Variants in PKD1L1 observed in about 807,000 individuals in gnomAD.
PKD1L1 encodes the protein polycystin-1-like protein 1.
PKD1L1 carries 236 observed loss-of-function variants against 323.4 expected under a neutral mutation model. The observed-to-expected ratio is 0.73, with a 90% CI of 0.66 to 0.81. The LOEUF is 0.81. PKD1L1 is among the 40% of genes least tolerant of loss of function. The pLI, the probability that PKD1L1 is intolerant of heterozygous loss-of-function variation, is 0.00. For missense variants in PKD1L1, 3,320 were observed against 3,508.0 expected (o/e 0.95, Z 1.35); for synonymous variants, 1,344 against 1,335.0 (o/e 1.01, Z -0.15).
intron 25 of PKD1L1, among the ~76,000 whole-genome samples, chr7:47,865,741 A>T (rs1430178036): frequency 2.4e-4 from 34 of 143,760 alleles, no homozygotes; most frequent in Non-Finnish European, 3.0e-5. Flanking sequence ...GCCTGCCACC[A>T]CACCTGGCTA....
At chr7:47,829,632 C>T in intron 43 of PKD1L1, 31 bp from the exon 44 acceptor site, 7 of 1,578,406 alleles carry the variant, frequency 4.4e-6, no homozygotes, top group Non-Finnish European at 6.0e-6. Flanking sequence ...GCGCAGAGAG[C>T]CGCCCTATGT....
intron 41 of PKD1L1, 129 bp from the exon 42 acceptor site, chr7:47,831,481 G>A: frequency 7.9e-7 from 1 of 1,272,634 alleles, no homozygotes; most frequent in Non-Finnish European, 1.1e-6. Context: ...TTGGTTAAAT[G>A]TGATTTTTGA....
intron 56 of PKD1L1, among the ~76,000 whole-genome samples, chr7:47,781,958 A>G (rs895039880): frequency 2.0e-5 from 3 of 152,184 alleles, no homozygotes; most frequent in African/African-American, 7.2e-5. Context: ...CACCTTTGTC[A>G]AGATGAGTTT....
At chr7:47,816,029 T>C in intron 46 of PKD1L1, among the ~76,000 whole-genome samples, 1 of 152,068 alleles carries the variant, frequency 6.6e-6, no homozygotes, top group East Asian at 1.9e-4. Flanking sequence ...TCCGCAAGCC[T>C]GAAGGGTGGG....
intron 28 of PKD1L1, among the ~76,000 whole-genome samples, chr7:47,855,937 T>G (rs911076716): frequency 6.7e-6 from 1 of 150,228 alleles, no homozygotes; most frequent in Non-Finnish European, 1.5e-5. Flanking sequence ...AGCTATTCTA[T>G]AGTCCCATTG....
At chr7:47,807,099 G>A (rs529484148) in intron 52 of PKD1L1, among the ~76,000 whole-genome samples, 2 of 152,216 alleles carry the variant, frequency 1.3e-5, no homozygotes, top group East Asian at 3.9e-4. Flanking sequence ...TGCTGTCCCT[G>A]CCAATCTGTG....
chr7:47,841,555 T>A (rs1583612727), intron 34 of PKD1L1, among the ~76,000 whole-genome samples: 1 of 152,232 alleles, frequency 6.6e-6, no homozygotes, highest in African/African-American at 2.4e-5. Context: ...GGATTTAACC[T>A]CATTATGCCT....
chr7:47,925,166 A>G (rs1230305686), intron 7 of PKD1L1, among the ~76,000 whole-genome samples: 2 of 152,146 alleles, frequency 1.3e-5, no homozygotes, highest in Admixed American at 1.3e-4. Context: ...TTTATAATAC[A>G]ATAGTGCAAA....
At position 47,833,029 on chromosome 7, in the gene PKD1L1, C is replaced by G. The variant is rs369181408; in HGVS notation, c.6337+61G>C. The G allele has an allele frequency of 7.1e-6, 11 of 1,540,196 alleles. No homozygotes were observed. In the South Asian group the frequency reaches 1.1e-4, roughly 16 times the overall value. Reference sequence around the variant, plus strand: ...TGTGACTCTGCTTGCCCTGCCTCTCCCAATGGCTGCAGGTCTGCTGGACTG... The same window carrying G: ...TGTGACTCTGCTTGCCCTGCCTCTCGCAATGGCTGCAGGTCTGCTGGACTG... On this transcript the variant is annotated intron_variant, in intron 41 of 56. Transcript: ENST00000289672.
chr7:47,908,080 T>A lies in PKD1L1; in HGVS notation c.1399A>T (p.Lys467Ter), dbSNP rs1459074585. ...LVFADSQVNQ[K>*]STVVIHHFPS... is the part of the protein sequence containing the mutation. Reference sequence around the variant, plus strand: ...AGACTCCAGACATACGTCTTACTTTTCTGATTCACTTGGGAGTCAGCAAAG... The same window carrying A: ...AGACTCCAGACATACGTCTTACTTTACTGATTCACTTGGGAGTCAGCAAAG... The change falls in exon 9 of 57, where the codon AAA (lysine) becomes TAA (stop). Residue 467 changes from lysine (K) to a stop codon, truncating the protein, a stop_gained. Coordinates refer to ENST00000289672, the MANE Select transcript of PKD1L1 (RefSeq NM_138295.5). LOFTEE classifies it high-confidence loss of function. 4 of 1,613,266 alleles carry A rather than the reference T, an allele frequency of 2.5e-6. No individual in the cohort carries two copies. The highest frequency in any genetic ancestry group is 3.4e-6 in the Non-Finnish European group (4 of 1,179,878).
chr7:47,846,467 T>A (rs1405153557), intron 32 of PKD1L1, among the ~76,000 whole-genome samples: 2 of 152,180 alleles, frequency 1.3e-5, no homozygotes, highest in Non-Finnish European at 2.9e-5. Context: ...CATGGGGGCA[T>A]GGTGAGAGCT....
At position 47,853,779 on chromosome 7, in the gene PKD1L1, A is replaced by C. The variant is rs1223874942; in HGVS notation, c.4860-552T>G. On this transcript the variant is annotated intron_variant, in intron 30 of 56. Transcript: ENST00000289672. ...AAACAAACAAACCAAAAAAAAAAAA[A>C]AAAAACACCAAAAACCAAACAAACA... 7.9e-5 allele frequency among the ~76,000 whole-genome samples: 12 copies of C among 151,756 alleles called. 1 individual carries two copies. Among genetic ancestry groups the C allele is most frequent in the Non-Finnish European group, 1.5e-4 (10 of 67,928 alleles).
intron 53 of PKD1L1, 68 bp from the exon 54 acceptor site, chr7:47,800,947 CA>C: frequency 7.2e-7 from 1 of 1,398,174 alleles, no homozygotes; most frequent in Non-Finnish European, 1.0e-6. Context: ...ACTCAACTTC[CA>C]AATGTTGAAA....
At chr7:47,870,580 T>G (rs1786261174) in intron 24 of PKD1L1, among the ~76,000 whole-genome samples, 2 of 152,212 alleles carry the variant, frequency 1.3e-5, no homozygotes, top group Non-Finnish European at 2.9e-5. Flanking sequence ...GAAATCTGAA[T>G]AGTAAAGATA....
At chr7:47,789,075 T>A (rs1279495229) in intron 56 of PKD1L1, among the ~76,000 whole-genome samples, 2 of 152,226 alleles carry the variant, frequency 1.3e-5, no homozygotes, top group African/African-American at 4.8e-5. Flanking sequence ...AATATTTTTG[T>A]CCAGTTTTTA....
chr7:47,858,361 C>CA (rs1302970292), intron 27 of PKD1L1, among the ~76,000 whole-genome samples: 3 of 142,760 alleles, frequency 2.1e-5, no homozygotes, highest in Non-Finnish European at 4.6e-5. Flanking sequence ...CATAATTCCT[C>CA]AAAAAAACAG....
intron 23 of PKD1L1, among the ~76,000 whole-genome samples, chr7:47,874,591 A>G (rs907751402): frequency 2.0e-5 from 3 of 152,186 alleles, no homozygotes; most frequent in African/African-American, 7.2e-5. Context: ...CTCGTCTACA[A>G]GCAAATTCCG....
Position 47,898,100 on chromosome 7 carries a change from A to G in PKD1L1, c.2159T>C (p.Met720Thr), listed in dbSNP as rs1210139126. Residue 720 changes from methionine to threonine, a missense_variant, in exon 14 of 57, where the codon ATG (methionine) becomes ACG (threonine). Coordinates refer to ENST00000289672, the MANE Select transcript of PKD1L1 (RefSeq NM_138295.5). ...SQGLSYTWNL[M>T]DSEGLPVSLP... ...GGAGACAGGGAGCCCTTCAGAGTCC[A>G]TCAAGTTCCAGGTGTAAGAAAGACC... is the stretch of plus-strand genomic sequence containing the variant. 9 of 1,614,160 alleles carry G rather than the reference A, an allele frequency of 5.6e-6. No individual in the cohort carries two copies. The highest frequency in any genetic ancestry group is 7.6e-6 in the Non-Finnish European group (9 of 1,180,042).
At chr7:47,906,279 G>T (rs1026272897) in intron 9 of PKD1L1, among the ~76,000 whole-genome samples, 4 of 152,098 alleles carry the variant, frequency 2.6e-5, no homozygotes, top group Non-Finnish European at 4.4e-5. Flanking sequence ...TTCTCAATAT[G>T]TACACTAAGT....
Sources: allele counts gnomAD v4.1 joint callset (sites outside exome capture counted in the v4.1 genomes callset), GRCh38; gene constraint gnomAD v4.1.1; transcripts MANE v1.5; gene names NCBI Gene and HGNC (gene_info 2026-07-23, HGNC 2026-07-21).